CAST: variants seen among roughly 807,000 people sequenced by gnomAD.
CAST encodes the protein calpastatin, also known as MIR583 host.
Under a neutral mutation model 119.6 loss-of-function variants are expected in CAST, and 76 were observed. The ratio of observed to expected loss-of-function variants is 0.64; its 90% CI spans 0.53 to 0.77. The LOEUF is 0.77. Ranked by LOEUF, CAST falls within the 30% of genes least tolerant of loss-of-function variation. CAST has a pLI of 0.00. For synonymous variants in CAST, 319 were observed against 331.6 expected, an observed-to-expected ratio of 0.96 and a Z score of 0.41; for missense variants, 953 against 946.5, an observed-to-expected ratio of 1.01 and a Z score of -0.09.
the CAST span, among the ~76,000 whole-genome samples, chr5:96,069,355 A>ATGTGTGTGTG: frequency 2.1e-5 from 3 of 141,612 alleles, no homozygotes; most frequent in Admixed American, 6.9e-5. Flanking sequence ...GTGTGTATGT[A>ATGTGTGTGTG]TGTGTGTGTG....
chr5:96,478,078 A>G, the CAST span, among the ~76,000 whole-genome samples: 1 of 152,220 alleles, frequency 6.6e-6, no homozygotes, highest in Non-Finnish European at 1.5e-5. Context: ...AAATCCTTAT[A>G]TATCTTGCTC....
chr5:96,146,665 C>A, the CAST span, among the ~76,000 whole-genome samples: 1 of 152,228 alleles, frequency 6.6e-6, no homozygotes, highest in Admixed American at 6.5e-5. Flanking sequence ...TAGGCCACAG[C>A]AAACACATTA....
At chr5:96,275,466 G>A in the CAST span, among the ~76,000 whole-genome samples, 1 of 152,204 alleles carries the variant, frequency 6.6e-6, no homozygotes, top group Non-Finnish European at 1.5e-5. Context: ...ATGTCATCCA[G>A]TTGGCTGCTG....
chr5:96,474,938 T>C, the CAST span, among the ~76,000 whole-genome samples: 61 of 152,328 alleles, frequency 4.0e-4, no homozygotes, highest in South Asian at 1.2e-3. Context: ...AACTATGCTA[T>C]TTAGCCTTTC....
intron 1 of CAST, 36 bp from the exon 2 acceptor site, chr5:96,675,503 T>G (rs905146396): frequency 6.8e-7 from 1 of 1,469,904 alleles, no homozygotes; most frequent in Admixed American, 1.7e-5. Context: ...CTGTGTCATC[T>G]TCCTTTATTA....
intron 16 of CAST, among the ~76,000 whole-genome samples, chr5:96,746,038 A>G (rs577057550): frequency 6.6e-6 from 1 of 152,330 alleles, no homozygotes; most frequent in African/African-American, 2.4e-5. Context: ...TAGTAGCCAC[A>G]TTTTACAGCT....
intron 24 of CAST, among the ~76,000 whole-genome samples, chr5:96,758,395 T>A (rs1766823752): frequency 6.6e-6 from 1 of 152,210 alleles, no homozygotes. Context: ...TGTAGGATTT[T>A]CATGGCTTTT....
At chr5:96,763,368 G>A in intron 25 of CAST, 2 of 711,022 alleles carry the variant, frequency 2.8e-6, no homozygotes, top group Non-Finnish European at 2.6e-6. Context: ...GCATGTGCAT[G>A]TGCATGTGTG....
intron 1 of CAST, among the ~76,000 whole-genome samples, chr5:96,614,245 C>G (rs1747414399): frequency 6.6e-6 from 1 of 152,188 alleles, no homozygotes; most frequent in Admixed American, 6.5e-5. Context: ...CCATTTCCCT[C>G]TGGATGGAGT....
the CAST span, among the ~76,000 whole-genome samples, chr5:96,452,276 T>C: frequency 6.0e-3 from 919 of 151,944 alleles, 11 homozygotes; most frequent in African/African-American, 0.021. Context: ...ATAAAGAAAA[T>C]GTGGCACATA....
the CAST span, among the ~76,000 whole-genome samples, chr5:96,117,803 T>C: frequency 0.014 from 2,166 of 152,342 alleles, 51 homozygotes; most frequent in African/African-American, 0.049. Context: ...TATTTTCTTA[T>C]TTCTGCAAAT....
At chr5:96,449,476 T>C in the CAST span, among the ~76,000 whole-genome samples, 12 of 152,250 alleles carry the variant, frequency 7.9e-5, no homozygotes, top group African/African-American at 2.6e-4. Flanking sequence ...CTGCACACCA[T>C]CCATGGAAAA....
At chr5:96,507,997 AT>A in the CAST span, among the ~76,000 whole-genome samples, 6 of 59,830 alleles carry the variant, frequency 1.0e-4, no homozygotes, top group Admixed American at 8.4e-4. Context: ...TGACATTATT[AT>A]TATTATTATT....
At chr5:96,672,434 G>T (rs1037978097) in intron 1 of CAST, among the ~76,000 whole-genome samples, 1 of 152,312 alleles carries the variant, frequency 6.6e-6, no homozygotes, top group South Asian at 2.1e-4. Context: ...ACTGGGCCGG[G>T]AGCGGTGGCT....
chr5:96,612,432 G>C (rs924015146), intron 1 of CAST, among the ~76,000 whole-genome samples: 4 of 152,144 alleles, frequency 2.6e-5, no homozygotes, highest in African/African-American at 9.7e-5. Context: ...TCCAAAACAG[G>C]GAGGGAGGAA....
In CAST at chr5:96,757,497, A is replaced by G; in HGVS notation, c.1761+3A>G. The G allele has an allele frequency of 6.2e-7, 1 of 1,614,050 alleles. No individual in the cohort carries two copies. Among genetic ancestry groups the G allele is most frequent in the Non-Finnish European group, 8.5e-7 (1 of 1,179,916 alleles). ...AAGAGTCTAAGGAACAGCTTCCAGT[A>G]AGCAAACCAGTTTTCTCTGAGGATA... is the stretch of plus-strand genomic sequence containing the variant. On this transcript the variant is annotated splice_donor_region_variant and intron_variant, in intron 23 of 31. Coordinates refer to ENST00000675179, the MANE Select transcript of CAST (RefSeq NM_001750.7).
the CAST span, among the ~76,000 whole-genome samples, chr5:96,292,431 T>A: frequency 6.6e-6 from 1 of 152,244 alleles, no homozygotes; most frequent in Non-Finnish European, 1.5e-5. Context: ...ATCTGTTGAA[T>A]GCACAGGCCA....
the CAST span, among the ~76,000 whole-genome samples, chr5:96,367,900 C>T: frequency 3.9e-5 from 6 of 152,024 alleles, no homozygotes; most frequent in South Asian, 4.2e-4. Flanking sequence ...AGAAATCACC[C>T]GTCTTCTGCA....
chr5:96,631,689 C>T (rs9790956), intron 1 of CAST, among the ~76,000 whole-genome samples: 29,189 of 146,902 alleles, frequency 0.2, 4,038 homozygotes, highest in East Asian at 0.43. Flanking sequence ...CCCGCCACCA[C>T]GCCCGGATAA....
Sources: allele counts gnomAD v4.1 joint callset (sites outside exome capture counted in the v4.1 genomes callset), GRCh38; gene constraint gnomAD v4.1.1; transcripts MANE v1.5; gene names NCBI Gene and HGNC (gene_info 2026-07-23, HGNC 2026-07-21).